RGS21: variants seen among roughly 807,000 people sequenced by gnomAD.
The protein encoded by RGS21 is regulator of G-protein signalling 21.
Under a neutral mutation model 18.7 loss-of-function variants are expected in RGS21, and 19 were observed. The observed-to-expected ratio is 1.01, with a 90% CI of 0.71 to 1.49. The LOEUF is 1.49. RGS21 is among the 40% of genes most tolerant of loss of function. The pLI is 0.00. For missense variants in RGS21, 194 were observed against 176.8 expected, an observed-to-expected ratio of 1.10 and a Z score of -0.55; for synonymous variants, 56 against 57.8, an observed-to-expected ratio of 0.97 and a Z score of 0.14.
intron 1 of RGS21, among the ~76,000 whole-genome samples, chr1:192,317,377 C>T (rs762402047): frequency 2.5e-4 from 38 of 151,238 alleles, no homozygotes; most frequent in East Asian, 3.9e-4. Flanking sequence ...TCAGACTCCA[C>T]GGGAGGGGAG....
intron 1 of RGS21, among the ~76,000 whole-genome samples, chr1:192,318,716 A>C (rs1326198492): frequency 6.6e-6 from 1 of 152,244 alleles, no homozygotes; most frequent in Admixed American, 6.6e-5. Flanking sequence ...TCAAGCTTGG[A>C]GGAAAAAAAG....
rs1372729852 is a variant in RGS21 at position 192,329,046 on chromosome 1, CAAG to C, written c.-61+11946_-61+11948del. Among the ~76,000 whole-genome samples, 4 of 152,026 alleles carry C rather than the reference CAAG, an allele frequency of 2.6e-5. No homozygotes were observed. In the South Asian group the frequency reaches 6.2e-4, roughly 24 times the overall value. On this transcript the variant is annotated intron_variant, in intron 1 of 4. Transcript: ENST00000417209. ...GAGAATTTTTTTTCTTTTTAAATGA[CAAG>C]AAGACAATCAGGGAAGTTAATATCA...
intron 3 of RGS21, among the ~76,000 whole-genome samples, chr1:192,347,651 C>G (rs1052291394): frequency 2.0e-5 from 3 of 151,924 alleles, no homozygotes; most frequent in Admixed American, 1.3e-4. Context: ...CTCACTTTAA[C>G]ATTTTTTATT....
intron 3 of RGS21, among the ~76,000 whole-genome samples, chr1:192,348,794 C>A (rs942333055): frequency 2.0e-5 from 3 of 151,850 alleles, no homozygotes; most frequent in Non-Finnish European, 2.9e-5. Flanking sequence ...AATCAAATGG[C>A]ATTTTATTTT....
At chr1:192,347,546 T>A (rs1658970760) in intron 3 of RGS21, among the ~76,000 whole-genome samples, 157 bp downstream of exon 3, 1 of 149,702 alleles carries the variant, frequency 6.7e-6, no homozygotes, top group Admixed American at 6.6e-5. Context: ...CTAAATAGAA[T>A]CAGGTTGGGG....
intron 1 of RGS21, among the ~76,000 whole-genome samples, chr1:192,328,713 T>A (rs970724076): frequency 9.2e-5 from 14 of 152,254 alleles, no homozygotes; most frequent in African/African-American, 3.4e-4. Flanking sequence ...TTTCTAAGAA[T>A]TTACATTGAT....
At chr1:192,333,269 T>TACACACACAC (rs137948736) in intron 1 of RGS21, among the ~76,000 whole-genome samples, 9,670 of 142,882 alleles carry the variant, frequency 0.068, 379 homozygotes, top group African/African-American at 0.083. Context: ...GTTTCTTAAA[T>TACACACACAC]ACACACACAC....
chr1:192,360,861 C>T (rs529677364), intron 4 of RGS21, among the ~76,000 whole-genome samples: 102 of 152,206 alleles, frequency 6.7e-4, no homozygotes, highest in African/African-American at 2.4e-3. Flanking sequence ...CTTCAGAAAG[C>T]TTTTCCTTAG....
At chr1:192,343,966 C>T (rs1363875523) in intron 2 of RGS21, among the ~76,000 whole-genome samples, 1 of 151,976 alleles carries the variant, frequency 6.6e-6, no homozygotes, top group Admixed American at 6.6e-5. Flanking sequence ...TTTTCTCCAA[C>T]TTTTATTCAA....
chr1:192,329,741 G>A (rs1191853624), intron 1 of RGS21, among the ~76,000 whole-genome samples: 1 of 148,926 alleles, frequency 6.7e-6, no homozygotes, highest in African/African-American at 2.5e-5. Flanking sequence ...TGAGAAAAGG[G>A]GGTCAGCATA....
chr1:192,349,185 G>A (rs1392179377), intron 3 of RGS21, among the ~76,000 whole-genome samples: 1 of 152,080 alleles, frequency 6.6e-6, no homozygotes, highest in Non-Finnish European at 1.5e-5. Flanking sequence ...CAGAGTGGTG[G>A]AAGTCCATAC....
intron 1 of RGS21, among the ~76,000 whole-genome samples, chr1:192,333,774 T>C (rs1403488158): frequency 6.6e-6 from 1 of 152,060 alleles, no homozygotes; most frequent in Admixed American, 6.6e-5. Flanking sequence ...TTGGTGGTTA[T>C]GTAAATCTAC....
intron 1 of RGS21, among the ~76,000 whole-genome samples, chr1:192,320,526 A>ATATGTATG (rs150149849): frequency 6.8e-6 from 1 of 147,452 alleles, no homozygotes; most frequent in Non-Finnish European, 1.5e-5. Flanking sequence ...GTATGTGTAT[A>ATATGTATG]TGTATGTGTA....
intron 4 of RGS21, among the ~76,000 whole-genome samples, chr1:192,359,653 G>GTATATATATATATATATATATA (rs1202366412): frequency 0.01 from 1,054 of 103,840 alleles, 18 homozygotes; most frequent in South Asian, 0.015. Context: ...ATGTGTGTGT[G>GTATATATATATATATATATATA]TGTATATATA....
At chr1:192,360,064 T>C (rs1659166681) in intron 4 of RGS21, among the ~76,000 whole-genome samples, 2 of 152,094 alleles carry the variant, frequency 1.3e-5, no homozygotes. Flanking sequence ...CCAAAATGTA[T>C]TATAATGAGA....
intron 4 of RGS21, among the ~76,000 whole-genome samples, chr1:192,364,247 G>T (rs1224382872): frequency 6.6e-6 from 1 of 152,060 alleles, no homozygotes; most frequent in Non-Finnish European, 1.5e-5. Context: ...TTTGGCACTT[G>T]TTCTGGAACT....
At chr1:192,334,521 T>C (rs1658736745) in intron 1 of RGS21, among the ~76,000 whole-genome samples, 1 of 152,114 alleles carries the variant, frequency 6.6e-6, no homozygotes, top group Non-Finnish European at 1.5e-5. Flanking sequence ...TCACTGGACA[T>C]TGTTTCTATT....
intron 1 of RGS21, among the ~76,000 whole-genome samples, chr1:192,327,809 A>G (rs553374603): frequency 1.3e-5 from 2 of 152,306 alleles, no homozygotes; most frequent in African/African-American, 4.8e-5. Context: ...CCATCTGGAA[A>G]GCAAAGTTCT....
At position 192,366,141 on chromosome 1, in the gene RGS21, C is replaced by T. The variant is rs74615895; in HGVS notation, c.*17C>T. 9.5e-6 allele frequency: 13 copies of T among 1,362,000 alleles called. No individual in the cohort carries two copies. The highest frequency in any genetic ancestry group is 1.4e-5 in the African/African-American group (1 of 69,166). 84.4% of individuals were successfully genotyped at this position (1,362,000 alleles called of 1,614,324 possible). On this transcript the variant is annotated 3_prime_UTR_variant, in exon 5 of 5. Transcript: ENST00000417209. The stretch of plus-strand genomic sequence containing the variant: ...TTTTTGTGAGGAAGGTAAAAGTTAA[C>T]TAATCACTATACTTCAGGGCTACAA...
Sources: allele counts gnomAD v4.1 joint callset (sites outside exome capture counted in the v4.1 genomes callset), GRCh38; gene constraint gnomAD v4.1.1; transcripts MANE v1.5; gene names NCBI Gene and HGNC (gene_info 2026-07-23, HGNC 2026-07-21).